Variants in FBN3 observed in about 807,000 individuals in gnomAD.
FBN3 encodes fibrillin 3, also known as fibrillin-3.
A neutral mutation model predicts 330.1 loss-of-function variants in FBN3; 234 were observed. The observed-to-expected ratio is 0.71, with a 90% CI of 0.64 to 0.79. FBN3 has a LOEUF of 0.79. FBN3 is among the 30% of genes least tolerant of loss of function. The probability of loss-of-function intolerance (pLI) is 0.00; values close to 1 mark genes in which losing one functional copy is unlikely to be tolerated. For synonymous variants in FBN3, 1,458 were observed against 1,517.3 expected (o/e 0.96, Z 0.91); for missense variants, 3,606 against 3,886.9 (o/e 0.93, Z 1.92).
In FBN3 at chr19:8,117,277, G is replaced by C. The variant is rs555618425; in HGVS notation, c.3478C>G (p.Arg1160Gly). 6.2e-7 allele frequency: 1 copy of C among 1,613,662 alleles called. No individual in the cohort carries two copies. The highest frequency in any genetic ancestry group is 1.3e-5 in the African/African-American group (1 of 74,862). The change falls in exon 28 of 64, where the codon CGG becomes GGG. Residue 1160 changes from arginine to glycine, a missense_variant. Transcript: ENST00000600128. The stretch of plus-strand genomic sequence containing the variant: ...ACGTCACACCCACCATTCTGGACCC[G>C]GCATTCGTTGATGTCTGCAGGATGC... ...RQGCVDINEC[R>G]VQNGGCDVHC...
intron 26 of FBN3, 61 bp downstream of exon 26, chr19:8,118,836 T>G: frequency 6.4e-7 from 1 of 1,566,312 alleles, no homozygotes; most frequent in Non-Finnish European, 8.7e-7. Context: ...TCACCAGACA[T>G]CCACTCACTT....
In FBN3 at chr19:8,114,609, G is replaced by A. The variant is rs376423850; in HGVS notation, c.3838+906C>T. 2.8e-4 allele frequency among the ~76,000 whole-genome samples: 43 copies of A among 152,160 alleles called. No homozygotes were observed. The East Asian group carries it at 5.6e-3, about 20-fold the overall frequency. Reference sequence around the variant, plus strand: ...TCTCTATTAATGTTGCCATATGGCCGTGTTGTGATGTATCCATGTCACCCA... The same window carrying A: ...TCTCTATTAATGTTGCCATATGGCCATGTTGTGATGTATCCATGTCACCCA... On this transcript the variant is annotated intron_variant, in intron 30 of 63. Transcript: ENST00000600128.
intron 30 of FBN3, among the ~76,000 whole-genome samples, chr19:8,113,436 T>A (rs2082634079): frequency 6.6e-6 from 1 of 152,126 alleles, no homozygotes; most frequent in Admixed American, 6.5e-5. Context: ...GGCTATTTTT[T>A]AAAATTTTTA....
chr19:8,133,732 G>A (rs1254063086), intron 13 of FBN3, among the ~76,000 whole-genome samples: 12 of 151,918 alleles, frequency 7.9e-5, no homozygotes, highest in Admixed American at 2.6e-4. Flanking sequence ...GATTACAGGC[G>A]TGAGCCACCG....
At chr19:8,145,323 G>A (rs1480618825) in intron 5 of FBN3, among the ~76,000 whole-genome samples, 1 of 144,980 alleles carries the variant, frequency 6.9e-6, no homozygotes, top group African/African-American at 2.6e-5. Flanking sequence ...GCAGTGAGCT[G>A]AGATGGTGCC....
At chr19:8,100,413 C>CTGCA (rs1191444863) in intron 41 of FBN3, among the ~76,000 whole-genome samples, 1 of 152,134 alleles carries the variant, frequency 6.6e-6, no homozygotes, top group Admixed American at 6.5e-5. Context: ...TATCGGCTCA[C>CTGCA]TGCAACCTTT....
rs2083082537 is a variant in FBN3 at position 8,129,814 on chromosome 19, T to A, written c.2045-449A>T. On this transcript the variant is annotated intron_variant, in intron 16 of 63. Coordinates refer to ENST00000600128, the MANE Select transcript of FBN3 (RefSeq NM_032447.5). The surrounding 1 kb of genome is among the most constrained non-coding windows in gnomAD (Gnocchi z 4.5). ...GGCTGTCACCTATAATCCCACCACT[T>A]TGGGAGGCTGAGGTGGGAGGATTGC... Among the ~76,000 whole-genome samples, 1 of 152,126 alleles carries A rather than the reference T, an allele frequency of 6.6e-6. No homozygotes were observed. The highest frequency in any genetic ancestry group is 2.4e-5 in the African/African-American group (1 of 41,410).
chr19:8,121,413 A>T lies in FBN3; in HGVS notation c.3083-27T>A. On this transcript the variant is annotated intron_variant, in intron 24 of 63. Transcript: ENST00000600128. The surrounding 1 kb of genome is among the most constrained non-coding windows in gnomAD (Gnocchi z 4.5). ...TGTGGGGAGAGGGGGCAGAGGCCGG[A>T]GGCGCCATGTGGGCCGCATCATGGG... 1 of 1,566,812 alleles carries T rather than the reference A, an allele frequency of 6.4e-7. No homozygotes were observed. The highest frequency in any genetic ancestry group is 1.7e-4 in the Middle Eastern group (1 of 5,822).
chr19:8,135,512 G>GGTGATCCACCCACCTCA lies in FBN3; in HGVS notation c.1591+448_1591+449insTGAGGTGGGTGGATCAC, dbSNP rs2083258132. 6.0e-5 allele frequency among the ~76,000 whole-genome samples: 3 copies of GGTGATCCACCCACCTCA among 50,364 alleles called. No homozygotes were observed. The Admixed American group carries it at 6.9e-4, about 12-fold the overall frequency. The allele number at this position is 50,364 out of a possible 152,430, so 33.0% of individuals were successfully genotyped here. A position where few individuals can be genotyped will look rare whatever the true frequency, so the allele number is the denominator to read the frequency against. On this transcript the variant is annotated intron_variant, in intron 13 of 63. Coordinates refer to ENST00000600128, the MANE Select transcript of FBN3 (RefSeq NM_032447.5). ...AGGCTGGTCTCGAACTCCTGACCTC[G>GGTGATCCACCCACCTCA]GCCTCCCAAAGTGCTGGGATTACAG...
chr19:8,118,643 T>C (rs1416985168), intron 26 of FBN3, among the ~76,000 whole-genome samples: 1 of 151,936 alleles, frequency 6.6e-6, no homozygotes, highest in Non-Finnish European at 1.5e-5. Flanking sequence ...GCACAAACGC[T>C]TGCCCTTGTA....
In FBN3 at chr19:8,096,550, C is replaced by T; in HGVS notation, c.5433G>A (p.Glu1811=). 1.2e-6 allele frequency: 2 copies of T among 1,612,926 alleles called. No individual in the cohort carries two copies. The highest frequency in any genetic ancestry group is 1.7e-6 in the Non-Finnish European group (2 of 1,179,676). The change falls in exon 44 of 64, where the codon GAG becomes GAA. Residue 1811 remains glutamate (E), a synonymous_variant. Coordinates refer to ENST00000600128, the MANE Select transcript of FBN3 (RefSeq NM_032447.5). This position sits in a 1 kb window ranked among gnomAD's most constrained non-coding sequence, Gnocchi z 4.6. ...GACVGRNECR[E]IPNVCSHGDC... Reference sequence around the variant, plus strand: ...CACCATGGCTACAGACATTCGGGATCTCCCGACACTCATTCCGTCCTGGGG... The same window carrying T: ...CACCATGGCTACAGACATTCGGGATTTCCCGACACTCATTCCGTCCTGGGG...
intron 28 of FBN3, 55 bp from the exon 29 acceptor site, chr19:8,116,854 T>C: frequency 6.3e-7 from 1 of 1,579,470 alleles, no homozygotes. Context: ...GACCACCCAG[T>C]ACACATCTGC....
intron 53 of FBN3, 96 bp from the exon 54 acceptor site, chr19:8,087,307 G>C: frequency 7.4e-7 from 1 of 1,346,510 alleles, no homozygotes; most frequent in Non-Finnish European, 9.9e-7. Flanking sequence ...TGGGACCTGA[G>C]TGAGTTCCCT....
At chr19:8,102,104 C>T (rs1169898639) in intron 40 of FBN3, among the ~76,000 whole-genome samples, 1 of 152,240 alleles carries the variant, frequency 6.6e-6, no homozygotes, top group Admixed American at 6.5e-5. Flanking sequence ...CGCTCTCTTG[C>T]CTGCCACCAT....
At position 8,079,842 on chromosome 19, in the gene FBN3, A is replaced by T. The variant is rs10426591; in HGVS notation, c.7453+1161T>A. 5.0e-3 allele frequency among the ~76,000 whole-genome samples: 754 copies of T among 152,248 alleles called. 11 individuals are homozygous for T. The highest frequency in any genetic ancestry group is 0.017 in the African/African-American group (707 of 41,542). ...TGGCCTCAAGTGATCTGCCAGCCTC[A>T]GCCTCCCAAAGTGATGGGATTACAG... is the stretch of plus-strand genomic sequence containing the variant. On this transcript the variant is annotated intron_variant, in intron 59 of 63. Coordinates refer to ENST00000600128, the MANE Select transcript of FBN3 (RefSeq NM_032447.5).
Position 8,106,176 on chromosome 19 carries a change from G to A in FBN3, c.4745C>T (p.Thr1582Met), listed in dbSNP as rs372444818. ...GCACTCACACTGGAAACTGCCAAAC[G>A]TGTTGACGCAGTCACCCCCCTGACA... is the stretch of plus-strand genomic sequence containing the variant. ...GLCQGGDCVN[T>M]FGSFQCECPP... The change falls in exon 38 of 64, where the codon ACG becomes ATG. Residue 1582 changes from threonine (T) to methionine (M), a missense_variant. Physicochemically the swap from Thr to Met is moderately conservative, Grantham distance 81. Coordinates refer to ENST00000600128, the MANE Select transcript of FBN3 (RefSeq NM_032447.5). 10 of 1,614,008 alleles carry A rather than the reference G, an allele frequency of 6.2e-6. No individual in the cohort carries two copies. Among genetic ancestry groups the A allele is most frequent in the Admixed American group, 3.3e-5 (2 of 59,984 alleles).
At chr19:8,086,992 C>G in intron 54 of FBN3, 85 bp downstream of exon 54, 1 of 1,494,698 alleles carries the variant, frequency 6.7e-7, no homozygotes, top group Non-Finnish European at 8.9e-7. Flanking sequence ...AGGTATGAGT[C>G]ACCGTGCCCG....
intron 13 of FBN3, 26 bp downstream of exon 13, chr19:8,135,935 T>TTGGGGGGGGGGGGGGGGGGGCC: frequency 3.7e-6 from 5 of 1,344,156 alleles, no homozygotes; most frequent in Non-Finnish European, 5.0e-6. Flanking sequence ...CGGAAGCCCC[T>TTGGGGGGGGGGGGGGGGGGGCC]GCCCACCCGC....
At chr19:8,134,261 A>ATT in intron 13 of FBN3, among the ~76,000 whole-genome samples, 1 of 151,682 alleles carries the variant, frequency 6.6e-6, no homozygotes, top group Non-Finnish European at 1.5e-5. Context: ...AAATAAATAA[A>ATT]ATAAATAAAT....
Sources: gnomAD v4.1 joint callset for allele counts (sites outside exome capture counted in the v4.1 genomes callset) on GRCh38, gnomAD v4.1.1 for gene constraint, Gnocchi (gnomAD v3.1) non-coding constraint, MANE v1.5 for transcripts, NCBI Gene and HGNC (gene_info 2026-07-23, HGNC 2026-07-21) for gene names.